Variants in VPS13B observed in about 807,000 individuals in gnomAD.
The protein encoded by VPS13B is vacuolar protein sorting 13 homolog B, also known as intermembrane lipid transfer protein VPS13B.
Under a neutral mutation model 426.4 loss-of-function variants are expected in VPS13B, and 285 were observed. That is an observed-to-expected ratio of 0.67 (90% CI 0.61 to 0.74). The LOEUF is 0.74. VPS13B is among the 30% of genes least tolerant of loss of function. The pLI is 0.00. For synonymous variants in VPS13B, 1,676 were observed against 1,676.4 expected (o/e 1.00, Z 0.01); for missense variants, 4,537 against 4,782.6 (o/e 0.95, Z 1.51).
Position 99,143,152 on chromosome 8 carries a change from C to G in VPS13B, c.1830C>G (p.Ser610Arg). The change falls in exon 13 of 62, where the codon AGC becomes AGG. Residue 610 changes from serine (S) to arginine (R), a missense_variant. By Grantham distance (110) the Ser-to-Arg change is moderately radical. Around this residue, in one of 2 missense-constraint regions of VPS13B, gnomAD observed 4,311 missense variants for 4,474.3 expected, o/e 0.96. Transcript: ENST00000357162. ...TGGAACATGAATATGAACCATATAG[C>G]AGGCTAAAATCAGGTTTGTTTCTGG... The part of the protein sequence containing the change: ...CALEHEYEPY[S>R]RLKSDIKDEN... 6.2e-7 allele frequency: 1 copy of G among 1,613,944 alleles called. No individual in the cohort carries two copies. The highest frequency in any genetic ancestry group is 8.5e-7 in the Non-Finnish European group (1 of 1,179,910).
chr8:99,342,192 T>C (rs1391926028), intron 19 of VPS13B, among the ~76,000 whole-genome samples: 1 of 152,218 alleles, frequency 6.6e-6, no homozygotes, highest in African/African-American at 2.4e-5. Context: ...TGTGGCATGA[T>C]TAAATCAAGA....
At chr8:99,180,502 A>G (rs976481315) in intron 16 of VPS13B, among the ~76,000 whole-genome samples, 1 of 152,224 alleles carries the variant, frequency 6.6e-6, no homozygotes, top group Admixed American at 6.5e-5. Context: ...AATGGTGAGT[A>G]ATAAGAAAAA....
At chr8:99,063,476 G>A (rs1844309615) in intron 3 of VPS13B, among the ~76,000 whole-genome samples, 2 of 152,240 alleles carry the variant, frequency 1.3e-5, no homozygotes, top group Non-Finnish European at 2.9e-5. Context: ...TGCTAGTGCA[G>A]CAGTCTGAGA....
chr8:99,444,565 G>A (rs1817822518), intron 23 of VPS13B, among the ~76,000 whole-genome samples: 1 of 152,072 alleles, frequency 6.6e-6, no homozygotes, highest in South Asian at 2.1e-4. Flanking sequence ...GGTGTGAAGT[G>A]GAATCTCATT....
chr8:99,098,860 CT>C (rs1483360454), intron 4 of VPS13B, among the ~76,000 whole-genome samples: 7 of 151,834 alleles, frequency 4.6e-5, no homozygotes, highest in Admixed American at 6.6e-5. Flanking sequence ...TCTTTTTATA[CT>C]TTTTTGTTAG....
chr8:99,848,951 TA>T, intron 55 of VPS13B, 57 bp downstream of exon 55: 2 of 1,458,662 alleles, frequency 1.4e-6, no homozygotes, highest in Middle Eastern at 3.5e-4. Context: ...TACAAAGTTG[TA>T]AACTTAGTAT....
At position 99,859,476 on chromosome 8, in the gene VPS13B, C is replaced by T. The variant is rs199748413; in HGVS notation, c.11040C>T (p.Ser3680=). 2.2e-5 allele frequency: 36 copies of T among 1,613,628 alleles called. No individual in the cohort carries two copies. The Admixed American group carries it at 5.8e-4, about 26-fold the overall frequency. The change falls in exon 57 of 62, where the codon TCC becomes TCT. Residue 3680 remains serine, a synonymous_variant. Transcript: ENST00000357162. ...CCACATCGTTTGTAAAGCACATCTC[C>T]AAAGGTAGCGGGTTCCGTTCCTTGT... ...RGTTSFVKHI[S]KGTLTSITNL... is the part of the protein sequence containing the mutation.
intron 30 of VPS13B, among the ~76,000 whole-genome samples, chr8:99,553,321 T>C (rs1227946752): frequency 6.6e-6 from 1 of 152,010 alleles, no homozygotes; most frequent in African/African-American, 2.4e-5. Flanking sequence ...AGCCAGGAGG[T>C]TCATTCAGAG....
At chr8:99,111,651 C>T (rs1201184646) in intron 6 of VPS13B, among the ~76,000 whole-genome samples, 3 of 152,010 alleles carry the variant, frequency 2.0e-5, no homozygotes, top group African/African-American at 7.2e-5. Context: ...GCATGATCTG[C>T]TATCTATACT....
intron 17 of VPS13B, among the ~76,000 whole-genome samples, chr8:99,194,078 G>T (rs1260118622): frequency 6.6e-6 from 1 of 152,092 alleles, no homozygotes; most frequent in Non-Finnish European, 1.5e-5. Flanking sequence ...TTTTCTACTT[G>T]TATCATGTCA....
intron 21 of VPS13B, among the ~76,000 whole-genome samples, chr8:99,422,735 A>G (rs1212994673): frequency 6.6e-6 from 1 of 152,176 alleles, no homozygotes; most frequent in Non-Finnish European, 1.5e-5. Context: ...TTTTTATAAA[A>G]CAATTCTGAA....
intron 33 of VPS13B, among the ~76,000 whole-genome samples, chr8:99,599,085 C>T (rs747681428): frequency 1.3e-5 from 2 of 151,916 alleles, no homozygotes; most frequent in African/African-American, 2.4e-5. Context: ...TAAAGAACTA[C>T]ATAAAACACT....
intron 19 of VPS13B, among the ~76,000 whole-genome samples, chr8:99,359,153 A>G (rs994705219): frequency 6.6e-6 from 1 of 152,198 alleles, no homozygotes; most frequent in African/African-American, 2.4e-5. Context: ...CTGTCATAAA[A>G]TGCAAAAAAT....
chr8:99,224,388 T>C (rs1323003335), intron 17 of VPS13B, among the ~76,000 whole-genome samples: 1 of 152,188 alleles, frequency 6.6e-6, no homozygotes, highest in Non-Finnish European at 1.5e-5. Flanking sequence ...TTTTCCAAGT[T>C]TAGTGAGACA....
chr8:99,371,875 G>A (rs927864360), intron 19 of VPS13B, among the ~76,000 whole-genome samples: 1 of 152,078 alleles, frequency 6.6e-6, no homozygotes, highest in African/African-American at 2.4e-5. Context: ...ACTCAAGATG[G>A]ATTAAAGACT....
intron 33 of VPS13B, among the ~76,000 whole-genome samples, chr8:99,636,411 C>T (rs1211717941): frequency 6.6e-6 from 1 of 151,676 alleles, no homozygotes; most frequent in Non-Finnish European, 1.5e-5. Flanking sequence ...AACTAAATTC[C>T]CTTTTGTTTT....
chr8:99,414,988 T>C (rs1211673285), intron 21 of VPS13B, among the ~76,000 whole-genome samples: 3 of 152,176 alleles, frequency 2.0e-5, no homozygotes, highest in African/African-American at 7.2e-5. Flanking sequence ...CTGGATAATA[T>C]CCTGAAGACT....
At chr8:99,492,661 G>C (rs992897742) in intron 25 of VPS13B, among the ~76,000 whole-genome samples, 1 of 152,200 alleles carries the variant, frequency 6.6e-6, no homozygotes, top group Non-Finnish European at 1.5e-5. Flanking sequence ...CCTGGGAGTG[G>C]GACCCATGGA....
At chr8:99,209,076 C>T (rs967944079) in intron 17 of VPS13B, among the ~76,000 whole-genome samples, 148 of 152,034 alleles carry the variant, frequency 9.7e-4, no homozygotes, top group African/African-American at 3.3e-3. Flanking sequence ...GTTGAGAGAT[C>T]GAGACCATCC....
Sources: gnomAD v4.1 joint callset for allele counts (sites outside exome capture counted in the v4.1 genomes callset) on GRCh38, gnomAD v4.1.1 for gene constraint, gnomAD v4.1.1 regional missense constraint, MANE v1.5 for transcripts, NCBI Gene and HGNC (gene_info 2026-07-23, HGNC 2026-07-21) for gene names.